The following AFM variants were observed in gnomAD, a reference collection of about 807,000 sequenced individuals.
The protein encoded by AFM is afamin, also known as alpha-Alb.
Under a neutral mutation model 68.7 loss-of-function variants are expected in AFM, and 82 were observed. The observed-to-expected ratio is 1.19, with a 90% CI of 1.00 to 1.43. The LOEUF (loss-of-function observed/expected upper bound fraction) is 1.43, where lower values mean the gene tolerates loss of function less well. Ranked by LOEUF, AFM falls within the 40% of genes most tolerant of loss-of-function variation. The pLI is 0.00. For missense variants in AFM, 772 were observed against 701.8 expected (o/e 1.10, Z -1.13); for synonymous variants, 250 against 234.2 (o/e 1.07, Z -0.61).
chr4:73,494,472 G>A (rs1398547546), intron 8 of AFM, among the ~76,000 whole-genome samples: 3 of 152,180 alleles, frequency 2.0e-5, no homozygotes, highest in Admixed American at 1.3e-4. Flanking sequence ...AAAAGAGTTC[G>A]CTTGGTAAAG....
intron 1 of AFM, among the ~76,000 whole-genome samples, chr4:73,482,339 T>A (rs1429882304): frequency 2.0e-5 from 3 of 152,210 alleles, no homozygotes; most frequent in African/African-American, 7.2e-5. Flanking sequence ...GCCATCTCAG[T>A]CTGTAGGAAG....
intron 12 of AFM, 92 bp downstream of exon 12, chr4:73,500,319 G>C: frequency 9.1e-7 from 1 of 1,099,506 alleles, no homozygotes; most frequent in South Asian, 1.5e-5. Context: ...ATGTCTTTTT[G>C]ATATCACAAT....
intron 7 of AFM, among the ~76,000 whole-genome samples, chr4:73,490,187 C>CA (rs374246384): frequency 0.062 from 5,739 of 92,642 alleles, 136 homozygotes; most frequent in South Asian, 0.095. Context: ...AACCTTATTT[C>CA]AAAAAAAAAA....
intron 7 of AFM, among the ~76,000 whole-genome samples, chr4:73,489,736 C>A (rs528125381): frequency 6.6e-6 from 1 of 152,168 alleles, no homozygotes; most frequent in Non-Finnish European, 1.5e-5. Context: ...ATTGTTCATG[C>A]ATTCTGTTCT....
intron 2 of AFM, 88 bp from the exon 3 acceptor site, chr4:73,484,170 G>A (rs1720789696): frequency 4.1e-6 from 6 of 1,480,408 alleles, no homozygotes; most frequent in Admixed American, 2.5e-5. Context: ...ATTTCCTGAG[G>A]CTAGTCAGGA....
At chr4:73,484,490 CT>C (rs796901730) in intron 3 of AFM, 100 bp downstream of exon 3, 3 of 791,784 alleles carry the variant, frequency 3.8e-6, no homozygotes, top group East Asian at 3.3e-5. Context: ...TTCTTTCTTT[CT>C]TTCTTTCTTT....
At position 73,494,494 on chromosome 4, in the gene AFM, C is replaced by A. The variant is rs74868344; in HGVS notation, c.1059-806C>A. Among the ~76,000 whole-genome samples the A allele has an allele frequency of 3.5e-3, 536 of 152,220 alleles. 6 individuals are homozygous for A. Among genetic ancestry groups the A allele is most frequent in the African/African-American group, 0.012 (500 of 41,532 alleles). On this transcript the variant is annotated intron_variant, in intron 8 of 14. Coordinates refer to ENST00000226355, the MANE Select transcript of AFM (RefSeq NM_001133.2). ...TTCGCTTGGTAAAGAATGGAGTAAACATCCCAGGGGACTTAGGGTCAAATT... is the reference window on the plus strand; with the variant it reads ...TTCGCTTGGTAAAGAATGGAGTAAAAATCCCAGGGGACTTAGGGTCAAATT...
At chr4:73,503,583 G>A (rs1721474611) in intron 14 of AFM, among the ~76,000 whole-genome samples, 1 of 152,074 alleles carries the variant, frequency 6.6e-6, no homozygotes, top group African/African-American at 2.4e-5. Flanking sequence ...GCATTTACGT[G>A]AACAAAAAGC....
intron 7 of AFM, among the ~76,000 whole-genome samples, chr4:73,489,354 C>T (rs907175264): frequency 1.1e-4 from 17 of 151,500 alleles, no homozygotes; most frequent in Admixed American, 5.9e-4. Flanking sequence ...ATTGTATATT[C>T]TCATGGTATA....
chr4:73,490,581 C>T (rs533795432), intron 7 of AFM, among the ~76,000 whole-genome samples: 4 of 151,868 alleles, frequency 2.6e-5, no homozygotes, highest in South Asian at 2.1e-4. Context: ...CACCACACCC[C>T]GCTAATGTTT....
chr4:73,495,184 G>A, intron 8 of AFM, 116 bp from the exon 9 acceptor site: 1 of 979,440 alleles, frequency 1.0e-6, no homozygotes, highest in Non-Finnish European at 1.4e-6. Flanking sequence ...AGACAGAGGA[G>A]AAAATTAGCT....
At chr4:73,487,229 T>C (rs987757492) in intron 5 of AFM, 130 bp downstream of exon 5, 19 of 1,003,348 alleles carry the variant, frequency 1.9e-5, no homozygotes, top group Non-Finnish European at 2.3e-5. Context: ...TCAGTGATTT[T>C]CAAACCATTG....
chr4:73,494,405 T>TA (rs1224621790), intron 8 of AFM, among the ~76,000 whole-genome samples: 1 of 151,924 alleles, frequency 6.6e-6, no homozygotes, highest in East Asian at 1.9e-4. Context: ...TTCTTTTTTT[T>TA]ATGAAGACTG....
In AFM at chr4:73,484,242, A is replaced by T. The variant is rs1213170825; in HGVS notation, c.138-16A>T. The T allele has an allele frequency of 6.2e-7, 1 of 1,602,016 alleles. No homozygotes were observed. Among genetic ancestry groups the T allele is most frequent in the Admixed American group, 1.8e-5 (1 of 57,030 alleles). On this transcript the variant is annotated splice_polypyrimidine_tract_variant and intron_variant, in intron 2 of 14. Transcript: ENST00000226355. ...TCTGCAACTGATCTTTGTATACCCC[A>T]TGTGAACTGTTGCAGCACCATCATT...
At position 73,497,758 on chromosome 4, in the gene AFM, T is replaced by A. The variant is rs1396383556; in HGVS notation, c.1289+9T>A. On this transcript the variant is annotated intron_variant, in intron 10 of 14. Transcript: ENST00000226355. ...GATGGTTTGAAATACCAGTATGTTGTTTGCACAAGTGGGCTAACACTTGCC... is the reference window on the plus strand; with the variant it reads ...GATGGTTTGAAATACCAGTATGTTGATTGCACAAGTGGGCTAACACTTGCC... 5.8e-6 allele frequency: 9 copies of A among 1,544,402 alleles called. No individual in the cohort carries two copies. Among genetic ancestry groups the A allele is most frequent in the Non-Finnish European group, 8.0e-6 (9 of 1,123,904 alleles).
chr4:73,500,542 C>A (rs754634318), intron 12 of AFM, among the ~76,000 whole-genome samples: 1 of 152,060 alleles, frequency 6.6e-6, no homozygotes, highest in Non-Finnish European at 1.5e-5. Context: ...AGGGAATGCC[C>A]GGAGAATATC....
chr4:73,484,097 G>C (rs1720787556), intron 2 of AFM, 108 bp downstream of exon 2: 8 of 1,356,810 alleles, frequency 5.9e-6, no homozygotes, highest in Non-Finnish European at 7.9e-6. Flanking sequence ...TATCCAAGAA[G>C]ACAACTTTAA....
In AFM at chr4:73,484,260, C is replaced by T. The variant is rs777707235; in HGVS notation, c.140C>T (p.Thr47Ile). Reference protein sequence around the residue: ...KFIEDNIEYITIIAFAQYVQE... With the variant: ...KFIEDNIEYIIIIAFAQYVQE... ...ATACCCCATGTGAACTGTTGCAGCA[C>T]CATCATTGCATTTGCTCAGTATGTT... The change falls in exon 3 of 15, where the codon ACC becomes ATC. Residue 47 changes from threonine to isoleucine, a missense_variant and splice_region_variant. Thr to Ile is a moderately conservative substitution (Grantham distance 89). Coordinates refer to ENST00000226355, the MANE Select transcript of AFM (RefSeq NM_001133.2). The T allele has an allele frequency of 1.9e-6, 3 of 1,607,590 alleles. No homozygotes were observed. The South Asian group carries it at 3.4e-5, about 18-fold the overall frequency.
In AFM at chr4:73,487,084, C is replaced by T. The variant is rs777475174; in HGVS notation, c.600C>T (p.Asn200=). The T allele has an allele frequency of 6.2e-7, 1 of 1,613,942 alleles. No homozygotes were observed. The highest frequency in any genetic ancestry group is 1.1e-5 in the South Asian group (1 of 91,066). ...KSCCEEQNKV[N]CLQTRAIPVT... is the part of the protein sequence containing the mutation. The stretch of plus-strand genomic sequence containing the variant: ...GTTGTGAAGAACAAAACAAAGTCAA[C>T]TGCCTTCAAACAAGGGTGGGTATAG... The change falls in exon 5 of 15, where the codon AAC becomes AAT. Residue 200 remains asparagine (N), a synonymous_variant. Transcript: ENST00000226355.
Sources: gnomAD v4.1 joint callset for allele counts (sites outside exome capture counted in the v4.1 genomes callset) on GRCh38, gnomAD v4.1.1 for gene constraint, MANE v1.5 for transcripts, NCBI Gene and HGNC (gene_info 2026-07-23, HGNC 2026-07-21) for gene names.